Variants in REXO5 observed in about 807,000 individuals in gnomAD.
The protein encoded by REXO5 is exonuclease NEF-sp.
REXO5 carries 48 observed loss-of-function variants against 88.5 expected under a neutral mutation model. The ratio of observed to expected loss-of-function variants is 0.54; its 90% CI spans 0.43 to 0.69. The LOEUF is 0.69. Among genes scored for constraint, REXO5 ranks in the 30% least tolerant of loss-of-function variants. The pLI, the probability that REXO5 is intolerant of heterozygous loss-of-function variation, is 0.00. For missense variants in REXO5, 749 were observed against 912.2 expected, an observed-to-expected ratio of 0.82 and a Z score of 2.30; for synonymous variants, 311 against 336.5, an observed-to-expected ratio of 0.92 and a Z score of 0.83.
rs772704547 is a variant in REXO5 at position 20,828,510 on chromosome 16, G to A, written c.1131G>A (p.Arg377=). The A allele has an allele frequency of 1.2e-6, 2 of 1,613,848 alleles. No individual in the cohort carries two copies. Among genetic ancestry groups the A allele is most frequent in the South Asian group, 1.1e-5 (1 of 91,078 alleles). The part of the protein sequence containing the change: ...EDARTILELA[R]YFLKHGPKKI... ...CTAGAACAATCCTTGAATTGGCTCGGTATTTCCTTAAGCATGGCCCAAAAA... is the reference window on the plus strand; with the variant it reads ...CTAGAACAATCCTTGAATTGGCTCGATATTTCCTTAAGCATGGCCCAAAAA... The change falls in exon 11 of 20, where the codon CGG becomes CGA. Residue 377 remains arginine, a synonymous_variant. Coordinates refer to ENST00000261377, the MANE Select transcript of REXO5 (RefSeq NM_030941.3).
intron 14 of REXO5, 176 bp from the exon 15 acceptor site, chr16:20,840,155 C>A (rs1040955413): frequency 3.7e-6 from 2 of 547,150 alleles, no homozygotes; most frequent in South Asian, 3.7e-5. Flanking sequence ...TACCTATTAA[C>A]ATTTGTGCTT....
chr16:20,843,759 A>G (rs1177310945), intron 15 of REXO5, among the ~76,000 whole-genome samples, 175 bp from the exon 16 acceptor site: 1 of 152,234 alleles, frequency 6.6e-6, no homozygotes, highest in Non-Finnish European at 1.5e-5. Flanking sequence ...TAGTTTCTGA[A>G]CTTTGATGAT....
chr16:20,819,482 G>C (rs1329831428), intron 5 of REXO5, among the ~76,000 whole-genome samples: 1 of 130,534 alleles, frequency 7.7e-6, no homozygotes, highest in Non-Finnish European at 1.6e-5. Context: ...TAGGCTGGGC[G>C]CAGTGGCTCA....
In REXO5 at chr16:20,849,466, G is replaced by A. The variant is rs761001873; in HGVS notation, c.2311G>A (p.Gly771Ser). The change falls in exon 20 of 20, where the codon GGC becomes AGC. Residue 771 changes from glycine to serine, a missense_variant. Physicochemically the swap from Gly to Ser is moderately conservative, Grantham distance 56. Transcript: ENST00000261377. ...IKEEEESAGP[G>S]LCS ...AGAGGAAGAAGAAAGCGCTGGCCCA[G>A]GCCTGTGTTCGTGAGTCGGCCTGCC... 14 of 1,613,930 alleles carry A rather than the reference G, an allele frequency of 8.7e-6. No homozygotes were observed. The highest frequency in any genetic ancestry group is 1.3e-5 in the African/African-American group (1 of 74,932).
intron 6 of REXO5, among the ~76,000 whole-genome samples, chr16:20,822,828 G>T (rs927439388): frequency 6.6e-6 from 1 of 152,152 alleles, no homozygotes; most frequent in African/African-American, 2.4e-5. Flanking sequence ...CCACTTTTTA[G>T]TTAATAATGC....
In REXO5 at chr16:20,833,076, C is replaced by A; in HGVS notation, c.1336C>A (p.Pro446Thr). The A allele has an allele frequency of 6.2e-7, 1 of 1,613,592 alleles. No homozygotes were observed. The highest frequency in any genetic ancestry group is 8.5e-7 in the Non-Finnish European group (1 of 1,179,582). ...LTRETDAGEL[P>T]SSRNCQTIKC... is the part of the protein sequence containing the mutation. ...CCGGGAGACAGATGCTGGTGAACTTCCATCTTCCAGAAATTGTCAAACTAT... is the reference window on the plus strand; with the variant it reads ...CCGGGAGACAGATGCTGGTGAACTTACATCTTCCAGAAATTGTCAAACTAT... Residue 446 changes from proline (P) to threonine (T), a missense_variant, in exon 13 of 20, where the codon CCA becomes ACA. Transcript: ENST00000261377.
Position 20,845,187 on chromosome 16 carries a change from A to G in REXO5, c.2070A>G (p.Thr690=), listed in dbSNP as rs2081588058. The change falls in exon 18 of 20, where the codon ACA becomes ACG. Residue 690 remains threonine (T), a synonymous_variant. Transcript: ENST00000261377. The part of the protein sequence containing the change: ...AWLRGLPPES[T]RLPGLRVVPP... ...TCAGAGGCTTACCACCTGAATCAAC[A>G]AGGCTCCCAGGGCTTCGTGTTGTAC... is the stretch of plus-strand genomic sequence containing the variant. The G allele has an allele frequency of 1.2e-5, 19 of 1,613,852 alleles. No homozygotes were observed. The highest frequency in any genetic ancestry group is 1.6e-5 in the Non-Finnish European group (19 of 1,179,978).
In REXO5 at chr16:20,822,043, T is replaced by C. The variant is rs1335385786; in HGVS notation, c.616+141T>C. The C allele has an allele frequency of 1.4e-5, 12 of 845,310 alleles. No individual in the cohort carries two copies. The East Asian group carries it at 2.4e-4, about 17-fold the overall frequency. The allele number at this position is 845,310 out of a possible 1,614,324, so 52.4% of individuals were successfully genotyped here. A position where few individuals can be genotyped will look rare whatever the true frequency, so the allele number is the denominator to read the frequency against. On this transcript the variant is annotated intron_variant, in intron 6 of 19. Transcript: ENST00000261377. ...TTCATCTTCTATTAATGAGGAAATA[T>C]CTTCGGCACAGTGTATCTCAAAAGT...
At chr16:20,808,398 C>T (rs973390343) in intron 2 of REXO5, among the ~76,000 whole-genome samples, 1 of 152,258 alleles carries the variant, frequency 6.6e-6, no homozygotes, top group African/African-American at 2.4e-5. Context: ...AGTGGTGTGA[C>T]AAGGATCCTC....
chr16:20,834,225 T>G (rs564236161), intron 13 of REXO5, among the ~76,000 whole-genome samples: 2 of 152,362 alleles, frequency 1.3e-5, no homozygotes, highest in South Asian at 4.1e-4. Flanking sequence ...TCTTTTGTGC[T>G]GTTTATTTTG....
chr16:20,817,584 A>G (rs1275844037), intron 5 of REXO5, among the ~76,000 whole-genome samples: 7 of 152,196 alleles, frequency 4.6e-5, no homozygotes, highest in African/African-American at 1.7e-4. Flanking sequence ...GAGACAACCT[A>G]CAGGCTTTGA....
Position 20,815,368 on chromosome 16 carries a change from G to C in REXO5, c.378+315G>C, listed in dbSNP as rs916517436. 3.3e-5 allele frequency among the ~76,000 whole-genome samples: 5 copies of C among 152,222 alleles called. No homozygotes were observed. In the East Asian group the frequency reaches 9.7e-4, roughly 29 times the overall value. Reference sequence around the variant, plus strand: ...CTACCTCTCTTTAAAAAAATCGCAAGATTGGGCACCCTTAAAACAGTATAT... The same window carrying C: ...CTACCTCTCTTTAAAAAAATCGCAACATTGGGCACCCTTAAAACAGTATAT... On this transcript the variant is annotated intron_variant, in intron 4 of 19. Coordinates refer to ENST00000261377, the MANE Select transcript of REXO5 (RefSeq NM_030941.3).
chr16:20,849,447 A>G lies in REXO5; in HGVS notation c.2292A>G (p.Glu764=), dbSNP rs778963773. ...TAGGACTGATGGGAATAAAAGAGGA[A>G]GAAGAAAGCGCTGGCCCAGGCCTGT... The part of the protein sequence containing the change: ...SGLGLMGIKE[E]EESAGPGLCS Residue 764 remains glutamate (E), a synonymous_variant, in exon 20 of 20, where the codon GAA becomes GAG. Coordinates refer to ENST00000261377, the MANE Select transcript of REXO5 (RefSeq NM_030941.3). 12 of 1,613,956 alleles carry G rather than the reference A, an allele frequency of 7.4e-6. No homozygotes were observed. The Admixed American group carries it at 2.0e-4, about 27-fold the overall frequency.
intron 13 of REXO5, among the ~76,000 whole-genome samples, chr16:20,834,132 C>T (rs891845436): frequency 6.6e-6 from 1 of 151,996 alleles, no homozygotes; most frequent in Non-Finnish European, 1.5e-5. Flanking sequence ...GTGGTGTTTG[C>T]TCATGATTAA....
chr16:20,847,713 A>C (rs2081631187), intron 19 of REXO5, among the ~76,000 whole-genome samples: 1 of 152,192 alleles, frequency 6.6e-6, no homozygotes, highest in South Asian at 2.1e-4. Flanking sequence ...TAACAGGAAC[A>C]GGTTAAAAAG....
At chr16:20,845,730 C>A (rs1394834595) in intron 18 of REXO5, among the ~76,000 whole-genome samples, 3 of 151,774 alleles carry the variant, frequency 2.0e-5, no homozygotes, top group South Asian at 2.1e-4. Flanking sequence ...TTAGACAAGG[C>A]TAAGGAAGAA....
In REXO5 at chr16:20,849,527, A is replaced by G. The variant is rs757219572; in HGVS notation, c.*47A>G. On this transcript the variant is annotated 3_prime_UTR_variant, in exon 20 of 20. Coordinates refer to ENST00000261377, the MANE Select transcript of REXO5 (RefSeq NM_030941.3). ...GTGCCATTTCTTACCCCTTGTAGGC[A>G]ATGGCAAAGAATGTGGTCAGGCTGT... 2 of 1,537,530 alleles carry G rather than the reference A, an allele frequency of 1.3e-6. No homozygotes were observed. The highest frequency in any genetic ancestry group is 2.2e-5 in the South Asian group (2 of 89,358).
intron 1 of REXO5, 53 bp from the exon 2 acceptor site, chr16:20,806,899 G>T: frequency 2.0e-6 from 3 of 1,533,430 alleles, no homozygotes. Flanking sequence ...GGCGGCACGC[G>T]GGGGAATAGG....
intron 13 of REXO5, 68 bp downstream of exon 13, chr16:20,833,191 T>C (rs2081373279): frequency 2.0e-6 from 3 of 1,483,046 alleles, no homozygotes. Context: ...TTTGCACCCA[T>C]GCCAGTGTCA....
Sources: gnomAD v4.1 joint callset for allele counts (sites outside exome capture counted in the v4.1 genomes callset) on GRCh38, gnomAD v4.1.1 for gene constraint, MANE v1.5 for transcripts, NCBI Gene and HGNC (gene_info 2026-07-23, HGNC 2026-07-21) for gene names.